Variants in HELQ observed in about 807,000 individuals in gnomAD.
HELQ encodes the protein helicase POLQ-like.
HELQ carries 77 observed loss-of-function variants against 111.6 expected under a neutral mutation model. The ratio of observed to expected loss-of-function variants is 0.69; its 90% CI spans 0.57 to 0.83. The LOEUF (loss-of-function observed/expected upper bound fraction) is 0.83. Among genes scored for constraint, HELQ ranks in the 40% least tolerant of loss-of-function variants. HELQ has a pLI of 0.00. For missense variants in HELQ, 1,200 were observed against 1,288.5 expected, an observed-to-expected ratio of 0.93 and a Z score of 1.05; for synonymous variants, 438 against 454.7, an observed-to-expected ratio of 0.96 and a Z score of 0.47.
rs780047237 is a variant in HELQ at position 83,429,748 on chromosome 4, T to C, written c.2296-2A>G. On this transcript the variant is annotated splice_acceptor_variant, in intron 11 of 17. Transcript: ENST00000295488. LOFTEE classifies it high-confidence loss of function. The stretch of plus-strand genomic sequence containing the variant: ...GATGTCATCAAGATTCGTTGCAATC[T>C]GAAACAATTCAGGATATCATTGGAG... 1.9e-6 allele frequency: 3 copies of C among 1,595,238 alleles called. No individual in the cohort carries two copies. Among genetic ancestry groups the C allele is most frequent in the African/African-American group, 2.7e-5 (2 of 74,282 alleles).
intron 2 of HELQ, among the ~76,000 whole-genome samples, chr4:83,449,777 T>C (rs991099896): frequency 6.6e-6 from 1 of 151,620 alleles, no homozygotes; most frequent in Non-Finnish European, 1.5e-5. Context: ...GCAGCAGAAA[T>C]GCAAATGGCC....
At chr4:83,449,209 C>T (rs570459381) in intron 2 of HELQ, among the ~76,000 whole-genome samples, 75 of 152,306 alleles carry the variant, frequency 4.9e-4, no homozygotes, top group African/African-American at 1.7e-3. Flanking sequence ...AGACTTGGGT[C>T]CAATATTACA....
At chr4:83,449,012 A>T in intron 2 of HELQ, 51 bp from the exon 3 acceptor site, 1 of 1,349,742 alleles carries the variant, frequency 7.4e-7, no homozygotes, top group Non-Finnish European at 1.0e-6. Flanking sequence ...AAACTTTGAA[A>T]CTCAAAAGTT....
intron 15 of HELQ, among the ~76,000 whole-genome samples, chr4:83,421,275 T>C (rs1213375885): frequency 6.6e-6 from 1 of 152,230 alleles, no homozygotes; most frequent in Non-Finnish European, 1.5e-5. Context: ...TAATTCTGAA[T>C]ACCTGAAACT....
chr4:83,418,123 G>A lies in HELQ; in HGVS notation c.3033C>T (p.Ile1011=). Residue 1011 remains isoleucine, a synonymous_variant, in exon 16 of 18, where the codon ATC becomes ATT. Transcript: ENST00000295488. ...KLTYCVKAEL[I]PLMEVTGVLE... The stretch of plus-strand genomic sequence containing the variant: ...AAACTCCAGTAACTTCCATGAGAGG[G>A]ATTAATTCTGCCTTTACACAGTAAG... 4 of 1,606,900 alleles carry A rather than the reference G, an allele frequency of 2.5e-6. No individual in the cohort carries two copies. Among genetic ancestry groups the A allele is most frequent in the East Asian group, 2.2e-5 (1 of 44,646 alleles).
At chr4:83,447,237 C>G (rs1257486489) in intron 3 of HELQ, among the ~76,000 whole-genome samples, 1 of 152,242 alleles carries the variant, frequency 6.6e-6, no homozygotes, top group African/African-American at 2.4e-5. Flanking sequence ...GTCTCAGCTA[C>G]TTGGGAAGCT....
intron 9 of HELQ, 152 bp from the exon 10 acceptor site, chr4:83,432,419 G>A: frequency 4.3e-6 from 2 of 463,668 alleles, no homozygotes; most frequent in Middle Eastern, 1.2e-3. Context: ...TGATTTCTTA[G>A]GTTTTTACAC....
At chr4:83,421,882 T>G in intron 14 of HELQ, 146 bp from the exon 15 acceptor site, 2 of 643,466 alleles carry the variant, frequency 3.1e-6, no homozygotes, top group Non-Finnish European at 5.4e-6. Flanking sequence ...TTCTAACAGA[T>G]GTACTTCAGA....
chr4:83,414,760 C>A (rs1739275685), intron 17 of HELQ, among the ~76,000 whole-genome samples: 1 of 152,120 alleles, frequency 6.6e-6, no homozygotes, highest in Non-Finnish European at 1.5e-5. Context: ...AGAAAATCAC[C>A]TCTTGATAAG....
intron 16 of HELQ, 52 bp from the exon 17 acceptor site, chr4:83,416,917 G>A: frequency 1.3e-6 from 2 of 1,515,412 alleles, no homozygotes; most frequent in Non-Finnish European, 1.8e-6. Flanking sequence ...TTAGAAAAAA[G>A]AAAATTAAGC....
chr4:83,429,488 T>C (rs778421152), intron 12 of HELQ, 36 bp downstream of exon 12: 35 of 1,380,284 alleles, frequency 2.5e-5, no homozygotes, highest in Non-Finnish European at 3.2e-5. Flanking sequence ...TTCCAATGTG[T>C]TTCCTATGAT....
intron 9 of HELQ, among the ~76,000 whole-genome samples, chr4:83,432,954 G>A (rs890543296): frequency 3.3e-5 from 5 of 152,084 alleles, no homozygotes; most frequent in African/African-American, 1.2e-4. Context: ...CAGATACTTG[G>A]GAGGCTAAGG....
chr4:83,412,480 C>A (rs962161379), intron 17 of HELQ, among the ~76,000 whole-genome samples: 7 of 152,162 alleles, frequency 4.6e-5, no homozygotes, highest in Admixed American at 1.3e-4. Context: ...CCTTCTTCTG[C>A]CCTCCTTTTG....
chr4:83,419,573 T>C (rs1739553319), intron 15 of HELQ, among the ~76,000 whole-genome samples: 1 of 148,684 alleles, frequency 6.7e-6, no homozygotes, highest in Non-Finnish European at 1.5e-5. Flanking sequence ...CATCAAATTA[T>C]TGCTGTTTTT....
At chr4:83,455,306 A>G in intron 1 of HELQ, 91 bp downstream of exon 1, 1 of 1,545,590 alleles carries the variant, frequency 6.5e-7, no homozygotes, top group South Asian at 1.2e-5. Context: ...CGAAGACGAG[A>G]GAAGTAAACG....
intron 5 of HELQ, 35 bp from the exon 6 acceptor site, chr4:83,443,649 G>T: frequency 1.1e-6 from 1 of 931,072 alleles, no homozygotes; most frequent in Non-Finnish European, 1.7e-6. Flanking sequence ...AAAGTGTTAA[G>T]GAAAATATGT....
At chr4:83,419,401 G>A (rs1433693447) in intron 15 of HELQ, among the ~76,000 whole-genome samples, 1 of 149,856 alleles carries the variant, frequency 6.7e-6, no homozygotes, top group Non-Finnish European at 1.5e-5. Context: ...AACACAGCAA[G>A]ATCCCTGCCT....
rs1018258331 is a variant in HELQ at position 83,455,769 on chromosome 4, G to A, written c.-76C>T. ...TAAGCCCATATGGAAGGGAGAGTGG[G>A]ACGCCGGAGCCCGCTTCTACATCCA... On this transcript the variant is annotated 5_prime_UTR_variant, in exon 1 of 18. Coordinates refer to ENST00000295488, the MANE Select transcript of HELQ (RefSeq NM_133636.5). The A allele has an allele frequency of 5.0e-6, 7 of 1,405,414 alleles. No homozygotes were observed. The highest frequency in any genetic ancestry group is 6.8e-6 in the Non-Finnish European group (7 of 1,028,734). 87.1% of individuals were successfully genotyped at this position (1,405,414 alleles called of 1,614,324 possible). A position where few individuals can be genotyped will look rare whatever the true frequency, so the allele number is the denominator to read the frequency against.
intron 11 of HELQ, among the ~76,000 whole-genome samples, chr4:83,430,873 C>G (rs1037117668): frequency 5.3e-5 from 8 of 151,578 alleles, no homozygotes; most frequent in Non-Finnish European, 8.8e-5. Flanking sequence ...AGAGTTAACA[C>G]TGGGGGTGGA....
Sources: gnomAD v4.1 joint callset for allele counts (sites outside exome capture counted in the v4.1 genomes callset) on GRCh38, gnomAD v4.1.1 for gene constraint, MANE v1.5 for transcripts, NCBI Gene and HGNC (gene_info 2026-07-23, HGNC 2026-07-21) for gene names.